Variants in PIP5K1C observed in about 807,000 individuals in gnomAD.
PIP5K1C encodes phosphatidylinositol 4-phosphate 5-kinase type-1 gamma.
Under a neutral mutation model 80.1 loss-of-function variants are expected in PIP5K1C, and 45 were observed. The ratio of observed to expected loss-of-function variants is 0.56; its 90% CI spans 0.44 to 0.72. The LOEUF (loss-of-function observed/expected upper bound fraction) is 0.72. Among genes scored for constraint, PIP5K1C ranks in the 30% least tolerant of loss-of-function variants. PIP5K1C has a pLI of 0.00. For missense variants in PIP5K1C, 753 were observed against 954.6 expected (o/e 0.79, Z 2.78); for synonymous variants, 498 against 420.1 (o/e 1.19, Z -2.27).
chr19:3,667,408 C>G, intron 1 of PIP5K1C, 55 bp from the exon 2 acceptor site: 1 of 1,608,484 alleles, frequency 6.2e-7, no homozygotes, highest in Non-Finnish European at 8.5e-7. Context: ...TCTGGGAGTC[C>G]TGGGCCCAGC....
At position 3,688,573 on chromosome 19, in the gene PIP5K1C, T is replaced by A. The variant is rs1600088237; in HGVS notation, c.94+11724A>T. ...TTTCCCTGGTCCACTGAGAGCCGCG[T>A]GTGTTTTTTGCGGTTTTGCTGGTGA... On this transcript the variant is annotated intron_variant, in intron 1 of 17. Transcript: ENST00000335312. This position sits in a 1 kb window ranked among gnomAD's most constrained non-coding sequence, Gnocchi z 5.3. 2.0e-5 allele frequency among the ~76,000 whole-genome samples: 3 copies of A among 151,868 alleles called. No homozygotes were observed. The highest frequency in any genetic ancestry group is 4.2e-4 in the South Asian group (2 of 4,802).
At chr19:3,685,007 A>C (rs1157393375) in intron 1 of PIP5K1C, among the ~76,000 whole-genome samples, 1 of 152,176 alleles carries the variant, frequency 6.6e-6, no homozygotes, top group Non-Finnish European at 1.5e-5. Flanking sequence ...TGAAATACAT[A>C]TTTTGTCATT....
chr19:3,636,087 G>A (rs2033675824), intron 16 of PIP5K1C, among the ~76,000 whole-genome samples: 1 of 152,130 alleles, frequency 6.6e-6, no homozygotes, highest in Non-Finnish European at 1.5e-5. Context: ...TACCTGGGGG[G>A]TGGAGGTTGC....
At chr19:3,646,911 G>A (rs2034241382) in intron 10 of PIP5K1C, among the ~76,000 whole-genome samples, 1 of 151,996 alleles carries the variant, frequency 6.6e-6, no homozygotes, top group Non-Finnish European at 1.5e-5. Flanking sequence ...ACAGAGGGAG[G>A]AAGGATGGGA....
At chr19:3,657,069 C>G (rs556811509) in intron 5 of PIP5K1C, among the ~76,000 whole-genome samples, 2 of 152,342 alleles carry the variant, frequency 1.3e-5, no homozygotes, top group Admixed American at 1.3e-4. Context: ...AGCAGCCACA[C>G]TGGACTAGAA....
chr19:3,693,176 C>T (rs978287759), intron 1 of PIP5K1C, among the ~76,000 whole-genome samples: 1 of 152,192 alleles, frequency 6.6e-6, no homozygotes, highest in Non-Finnish European at 1.5e-5. Context: ...CGCAGGAAAG[C>T]ACACGTAGAC....
chr19:3,646,084 C>T (rs2034202403), intron 10 of PIP5K1C, 26 bp from the exon 11 acceptor site: 3 of 1,481,292 alleles, frequency 2.0e-6, no homozygotes, highest in African/African-American at 1.4e-5. Context: ...GGGGGGTGCC[C>T]GGGGGCAGAG....
chr19:3,676,343 G>A (rs923850474), intron 1 of PIP5K1C, among the ~76,000 whole-genome samples: 6 of 152,188 alleles, frequency 3.9e-5, no homozygotes, highest in African/African-American at 7.2e-5. Context: ...CGCGGTCCCC[G>A]GCACCCACCA....
intron 15 of PIP5K1C, among the ~76,000 whole-genome samples, chr19:3,639,357 C>T (rs556301127): frequency 1.6e-4 from 24 of 152,286 alleles, no homozygotes; most frequent in Middle Eastern, 3.4e-3. Flanking sequence ...TGTTCCTCCT[C>T]TGAGCCTCAG....
At chr19:3,651,432 G>A (rs1017977149) in intron 8 of PIP5K1C, among the ~76,000 whole-genome samples, 21 of 152,232 alleles carry the variant, frequency 1.4e-4, no homozygotes, top group Admixed American at 6.5e-5. Context: ...TGTGAGCCCT[G>A]CCTCGCCCGA....
chr19:3,636,888 A>T (rs987411170), intron 16 of PIP5K1C: 15 of 998,772 alleles, frequency 1.5e-5, no homozygotes, highest in African/African-American at 1.7e-5. Flanking sequence ...TAATGACAAC[A>T]GCAGGCCCTG....
rs1197671869 is a variant in PIP5K1C, at chr19:3,696,530, G to C, written c.94+3767C>G. Among the ~76,000 whole-genome samples the C allele has an allele frequency of 6.6e-6, 1 of 151,360 alleles. No homozygotes were observed. Among genetic ancestry groups the C allele is most frequent in the Non-Finnish European group, 1.5e-5 (1 of 67,802 alleles). On this transcript the variant is annotated intron_variant, in intron 1 of 17. Transcript: ENST00000335312. The surrounding 1 kb of genome is among the most constrained non-coding windows in gnomAD (Gnocchi z 4.1). ...TGACAGCAGGGCAGGGAGGCCTCAC[G>C]GAGAGGAGATGCTCCCACAAAACCT...
chr19:3,635,255 C>T (rs1047126976), intron 16 of PIP5K1C, among the ~76,000 whole-genome samples: 4 of 152,198 alleles, frequency 2.6e-5, no homozygotes, highest in African/African-American at 9.6e-5. Flanking sequence ...GCATTAGAAA[C>T]GGGGATACAG....
chr19:3,671,745 CA>C (rs2035211826), intron 1 of PIP5K1C, among the ~76,000 whole-genome samples: 2 of 152,272 alleles, frequency 1.3e-5, no homozygotes, highest in East Asian at 1.9e-4. Context: ...ACCGCCTGCC[CA>C]GGGGGTGGGG....
At chr19:3,678,291 T>TGGAGGGATGGAGGGAC (rs1384750757) in intron 1 of PIP5K1C, among the ~76,000 whole-genome samples, 2 of 41,196 alleles carry the variant, frequency 4.9e-5, no homozygotes, top group African/African-American at 1.1e-4. Context: ...GGTGGAGGGA[T>TGGAGGGATGGAGGGAC]GGAGGGATGG....
chr19:3,668,395 G>C (rs933603453), intron 1 of PIP5K1C: 1 of 152,282 alleles, frequency 6.6e-6, no homozygotes, highest in Non-Finnish European at 1.5e-5. Flanking sequence ...CACGAGCGGG[G>C]GCGAGAGGGT....
intron 1 of PIP5K1C, among the ~76,000 whole-genome samples, chr19:3,678,052 A>AG (rs1380686008): frequency 1.5e-5 from 1 of 68,100 alleles, no homozygotes; most frequent in South Asian, 5.9e-4. Flanking sequence ...AGGGATGGAG[A>AG]ATGGAGGGAT....
At chr19:3,640,887 C>A (rs2033932954) in intron 15 of PIP5K1C, among the ~76,000 whole-genome samples, 1 of 152,072 alleles carries the variant, frequency 6.6e-6, no homozygotes, top group East Asian at 2.0e-4. Flanking sequence ...TGGGGTTTCA[C>A]CATGTTAGCC....
Position 3,641,795 on chromosome 19 carries a change from G to A in PIP5K1C, c.1697C>T (p.Pro566Leu), listed in dbSNP as rs928165343. 1.9e-6 allele frequency: 3 copies of A among 1,611,684 alleles called. No individual in the cohort carries two copies. Among genetic ancestry groups the A allele is most frequent in the African/African-American group, 2.7e-5 (2 of 74,912 alleles). Residue 566 changes from proline to leucine, a missense_variant, in exon 15 of 18, where the codon CCA (proline) becomes CTA (leucine). Transcript: ENST00000335312. ...CTGCTGCAGATCCTCTTCCGCGGGT[G>A]GCTCCTCCTGCGGCCTGCAGGCAAT... ...SGQDGRPQEE[P>L]PAEEDLQQIT...
Sources: allele counts gnomAD v4.1 joint callset (sites outside exome capture counted in the v4.1 genomes callset), GRCh38; gene constraint gnomAD v4.1.1; non-coding constraint Gnocchi (gnomAD v3.1); transcripts MANE v1.5; gene names NCBI Gene and HGNC (gene_info 2026-07-23, HGNC 2026-07-21).